TIAM1: variants seen among roughly 807,000 people sequenced by gnomAD.
TIAM1 encodes the protein TIAM Rac1 associated GEF 1.
A neutral mutation model predicts 163.5 loss-of-function variants in TIAM1; 65 were observed. The observed-to-expected ratio is 0.40, with a 90% CI of 0.33 to 0.49. The LOEUF is 0.49. TIAM1 is among the 20% of genes least tolerant of loss of function. TIAM1 has a pLI of 0.77. For missense variants in TIAM1, 1,789 were observed against 2,044.7 expected, an observed-to-expected ratio of 0.87 and a Z score of 2.41; for synonymous variants, 833 against 810.1, an observed-to-expected ratio of 1.03 and a Z score of -0.48.
intron 2 of TIAM1, among the ~76,000 whole-genome samples, chr21:31,461,244 G>A (rs8133068): frequency 0.23 from 35,513 of 151,966 alleles, 4,480 homozygotes; most frequent in Non-Finnish European, 0.28. Flanking sequence ...AGCACTTTGC[G>A]AGGCCGAGGC....
intron 17 of TIAM1, 78 bp from the exon 18 acceptor site, chr21:31,153,212 T>C (rs573971652): frequency 4.2e-6 from 5 of 1,192,998 alleles, no homozygotes; most frequent in East Asian, 2.4e-5. Flanking sequence ...ATAAAGCATA[T>C]GTTAATGTCT....
intron 2 of TIAM1, among the ~76,000 whole-genome samples, chr21:31,366,085 CAAAAAAAAA>C (rs869163144): frequency 1.7e-4 from 12 of 69,546 alleles, no homozygotes; most frequent in Admixed American, 1.6e-3. Context: ...GACTCTGTCT[CAAAAAAAAA>C]AAAAAAAAAA....
At chr21:31,213,118 C>T (rs916146689) in intron 10 of TIAM1, 1 of 366,862 alleles carries the variant, frequency 2.7e-6, no homozygotes, top group Non-Finnish European at 4.8e-6. Context: ...TTCAGCTATT[C>T]AGAACCCAAA....
At chr21:31,463,220 C>A (rs912304574) in intron 2 of TIAM1, among the ~76,000 whole-genome samples, 23 of 152,272 alleles carry the variant, frequency 1.5e-4, no homozygotes, top group Middle Eastern at 3.4e-3. Context: ...TCTTACCTGC[C>A]GAAGGGCCGA....
At chr21:31,185,075 A>G (rs1440625275) in intron 14 of TIAM1, among the ~76,000 whole-genome samples, 1 of 152,166 alleles carries the variant, frequency 6.6e-6, no homozygotes, top group Non-Finnish European at 1.5e-5. Flanking sequence ...AGTTAACACA[A>G]CAGATGCAAG....
chr21:31,450,153 G>A (rs545465379), intron 2 of TIAM1, among the ~76,000 whole-genome samples: 2 of 152,176 alleles, frequency 1.3e-5, no homozygotes, highest in Non-Finnish European at 2.9e-5. Context: ...GACAAAGGCA[G>A]GATGCAATTT....
At chr21:31,412,355 A>G (rs1274350632) in intron 2 of TIAM1, among the ~76,000 whole-genome samples, 1 of 152,160 alleles carries the variant, frequency 6.6e-6, no homozygotes, top group East Asian at 1.9e-4. Flanking sequence ...TTGGTACTCC[A>G]TAACAGCAGT....
At chr21:31,229,696 C>T (rs1322762906) in intron 6 of TIAM1, among the ~76,000 whole-genome samples, 1 of 151,918 alleles carries the variant, frequency 6.6e-6, no homozygotes, top group African/African-American at 2.4e-5. Flanking sequence ...GTTGCCCAGG[C>T]TGGAGTGCAG....
At chr21:31,252,267 TG>T in intron 4 of TIAM1, 78 bp from the exon 5 acceptor site, 1 of 1,481,328 alleles carries the variant, frequency 6.8e-7, no homozygotes, top group Non-Finnish European at 9.1e-7. Context: ...AGAAGAGCCC[TG>T]GGTCCAGCCA....
At chr21:31,342,855 G>T (rs575920449) in intron 1 of TIAM1, among the ~76,000 whole-genome samples, 10 of 152,314 alleles carry the variant, frequency 6.6e-5, no homozygotes, top group African/African-American at 2.4e-4. Flanking sequence ...CTTCAAGGAA[G>T]TGGGAGAGTC....
chr21:31,193,533 A>G (rs1216505909), intron 13 of TIAM1, among the ~76,000 whole-genome samples: 2 of 152,184 alleles, frequency 1.3e-5, no homozygotes, highest in Non-Finnish European at 2.9e-5. Context: ...CCACTGAAAC[A>G]GGGCCCGCTG....
chr21:31,495,499 C>T (rs4816399), intron 1 of TIAM1, among the ~76,000 whole-genome samples: 46,649 of 152,094 alleles, frequency 0.31, 8,066 homozygotes, highest in East Asian at 0.71. Context: ...GGAGCCTCCA[C>T]GGCAGAGGAG....
In TIAM1 at chr21:31,154,250, C is replaced by T. The variant is rs2083509277; in HGVS notation, c.3168G>A (p.Val1056=). The T allele has an allele frequency of 6.2e-7, 1 of 1,613,416 alleles. No individual in the cohort carries two copies. Among genetic ancestry groups the T allele is most frequent in the Non-Finnish European group, 8.5e-7 (1 of 1,179,702 alleles). Residue 1056 remains valine (V), a synonymous_variant, in exon 17 of 28, where the codon GTG becomes GTA. Coordinates refer to ENST00000541036, the MANE Select transcript of TIAM1 (RefSeq NM_001353694.2). The part of the protein sequence containing the change: ...CELLETERTY[V]KDLNCLMERY... ...GGGGGAGAAAAAAGAAACATACCTTCACGTAGGTGCGCTCCGTCTCCAGGA... is the reference window on the plus strand; with the variant it reads ...GGGGGAGAAAAAAGAAACATACCTTTACGTAGGTGCGCTCCGTCTCCAGGA...
At chr21:31,466,889 T>G (rs748318369) in intron 1 of TIAM1, among the ~76,000 whole-genome samples, 2 of 151,854 alleles carry the variant, frequency 1.3e-5, no homozygotes, top group African/African-American at 4.8e-5. Context: ...CCTGTGATAT[T>G]GAGGCAGATT....
chr21:31,472,198 C>T (rs562667013), intron 1 of TIAM1, among the ~76,000 whole-genome samples: 1 of 152,228 alleles, frequency 6.6e-6, no homozygotes, highest in Non-Finnish European at 1.5e-5. Flanking sequence ...ACCTGTGTTT[C>T]TGTGAGGTTT....
At chr21:31,326,359 T>C (rs957672044) in intron 2 of TIAM1, among the ~76,000 whole-genome samples, 6 of 152,152 alleles carry the variant, frequency 3.9e-5, no homozygotes, top group African/African-American at 1.4e-4. Flanking sequence ...GGGAGTACTA[T>C]GGCATTCATG....
intron 1 of TIAM1, among the ~76,000 whole-genome samples, chr21:31,500,312 C>T (rs1012281856): frequency 1.3e-5 from 2 of 152,188 alleles, no homozygotes; most frequent in Non-Finnish European, 2.9e-5. Flanking sequence ...TCAGCTACTT[C>T]ACTCCTGAAA....
intron 1 of TIAM1, among the ~76,000 whole-genome samples, chr21:31,474,922 T>C (rs1385955619): frequency 1.3e-5 from 2 of 151,930 alleles, no homozygotes; most frequent in East Asian, 1.9e-4. Flanking sequence ...GAAGGGAACT[T>C]TTCCAGCTTC....
At chr21:31,288,827 G>A (rs1012039972) in intron 2 of TIAM1, among the ~76,000 whole-genome samples, 1 of 152,046 alleles carries the variant, frequency 6.6e-6, no homozygotes, top group African/African-American at 2.4e-5. Flanking sequence ...AATAATAAAT[G>A]GATTTAACAG....
Sources: allele counts gnomAD v4.1 joint callset (sites outside exome capture counted in the v4.1 genomes callset), GRCh38; gene constraint gnomAD v4.1.1; transcripts MANE v1.5; gene names NCBI Gene and HGNC (gene_info 2026-07-23, HGNC 2026-07-21).